ELOVL6: variants seen among roughly 807,000 people sequenced by gnomAD.
ELOVL6 encodes ELOVL fatty acid elongase 6.
ELOVL6 carries 8 observed loss-of-function variants against 31.7 expected under a neutral mutation model. The observed-to-expected ratio is 0.25, with a 90% CI of 0.15 to 0.45. ELOVL6 has a LOEUF of 0.45. Ranked by LOEUF, ELOVL6 falls within the 20% of genes least tolerant of loss-of-function variation. ELOVL6 has a pLI of 1.00. For synonymous variants in ELOVL6, 101 were observed against 117.7 expected (o/e 0.86, Z 0.92); for missense variants, 126 against 326.4 (o/e 0.39, Z 4.73).
intron 1 of ELOVL6, among the ~76,000 whole-genome samples, chr4:110,145,729 C>T (rs1229086693): frequency 1.3e-5 from 2 of 151,182 alleles, no homozygotes; most frequent in Non-Finnish European, 2.9e-5. Flanking sequence ...AAGAAACCAC[C>T]GATAACAAAA....
chr4:110,072,668 A>G (rs915695409), intron 2 of ELOVL6, among the ~76,000 whole-genome samples: 1 of 152,104 alleles, frequency 6.6e-6, no homozygotes, highest in Non-Finnish European at 1.5e-5. Context: ...GAGAAATCCC[A>G]GTGAAAAACC....
intron 1 of ELOVL6, among the ~76,000 whole-genome samples, chr4:110,112,942 C>T (rs1469507891): frequency 6.7e-6 from 1 of 149,866 alleles, no homozygotes; most frequent in Admixed American, 6.6e-5. Context: ...TAAAGCTTGC[C>T]GGCAGGGCAC....
chr4:110,092,901 C>A (rs1354515865), intron 2 of ELOVL6, among the ~76,000 whole-genome samples: 1 of 152,066 alleles, frequency 6.6e-6, no homozygotes, highest in Non-Finnish European at 1.5e-5. Flanking sequence ...AACTGTAATC[C>A]CTAACTATGT....
At position 110,084,103 on chromosome 4, in the gene ELOVL6, A is replaced by ATATATGATATATAACATATATATGC. The variant is rs1560813984; in HGVS notation, c.221+21393_221+21394insGCATATATATGTTATATATCATATA. Among the ~76,000 whole-genome samples the ATATATGATATATAACATATATATGC allele has an allele frequency of 1.7e-4, 14 of 84,576 alleles. 2 individuals carry two copies. The highest frequency in any genetic ancestry group is 4.3e-4 in the African/African-American group (8 of 18,722). The allele number at this position is 84,576 out of a possible 152,430, so 55.5% of individuals were successfully genotyped here. A position where few individuals can be genotyped will look rare whatever the true frequency, so the allele number is the denominator to read the frequency against. Reference sequence around the variant, plus strand: ...ATATATGATATATAACATATATATGATATATATGATATATATAACATATAT... The same window carrying ATATATGATATATAACATATATATGC: ...ATATATGATATATAACATATATATGATATATGATATATAACATATATATGCTATATATGATATATATAACATATAT... On this transcript the variant is annotated intron_variant, in intron 2 of 3. Coordinates refer to ENST00000302274, the MANE Select transcript of ELOVL6 (RefSeq NM_024090.3).
intron 1 of ELOVL6, among the ~76,000 whole-genome samples, chr4:110,188,555 G>C (rs1448465579): frequency 6.6e-6 from 1 of 152,022 alleles, no homozygotes; most frequent in Non-Finnish European, 1.5e-5. Context: ...TCGTGCAAAA[G>C]ATCATAAAGG....
chr4:110,067,187 A>G (rs559602189), intron 2 of ELOVL6, among the ~76,000 whole-genome samples: 77 of 152,220 alleles, frequency 5.1e-4, no homozygotes, highest in Non-Finnish European at 1.0e-3. Context: ...TTCAGAGTGT[A>G]TAACTTCACT....
At chr4:110,094,445 T>TATATATATATAAAAA (rs1756519913) in intron 2 of ELOVL6, among the ~76,000 whole-genome samples, 21 of 47,382 alleles carry the variant, frequency 4.4e-4, no homozygotes, top group Non-Finnish European at 6.8e-4. Flanking sequence ...ATATATATAA[T>TATATATATATAAAAA]ATATATAACA....
At chr4:110,161,917 G>A (rs1055592902) in intron 1 of ELOVL6, among the ~76,000 whole-genome samples, 1 of 152,138 alleles carries the variant, frequency 6.6e-6, no homozygotes, top group African/African-American at 2.4e-5. Context: ...TGTTTGCGGT[G>A]ACTTTACAGA....
chr4:110,062,211 T>C (rs764190710), intron 2 of ELOVL6, among the ~76,000 whole-genome samples: 4 of 152,232 alleles, frequency 2.6e-5, no homozygotes, highest in Non-Finnish European at 5.9e-5. Context: ...AAGGTTTTGA[T>C]ATCATGGTGA....
intron 1 of ELOVL6, among the ~76,000 whole-genome samples, chr4:110,196,602 A>C (rs1759798540): frequency 1.3e-5 from 2 of 152,310 alleles, no homozygotes; most frequent in South Asian, 2.1e-4. Context: ...CCCTGGCCTC[A>C]GCGGCCCGGG....
intron 2 of ELOVL6, among the ~76,000 whole-genome samples, chr4:110,077,021 C>T (rs987589492): frequency 9.9e-5 from 15 of 152,148 alleles, no homozygotes; most frequent in South Asian, 2.1e-4. Context: ...ACTGCAAGGC[C>T]GCAGCGAGGC....
At chr4:110,098,483 A>G (rs1309555526) in intron 2 of ELOVL6, among the ~76,000 whole-genome samples, 1 of 152,104 alleles carries the variant, frequency 6.6e-6, no homozygotes, top group African/African-American at 2.4e-5. Context: ...TTGTAATAAC[A>G]TGTTGTAACA....
rs138100615 is a variant in ELOVL6 at position 110,179,244 on chromosome 4, C to T, written c.89+19003G>A. On this transcript the variant is annotated intron_variant, in intron 1 of 3. Coordinates refer to ENST00000302274, the MANE Select transcript of ELOVL6 (RefSeq NM_024090.3). ...AATAGGCCAGGTATAGTGGCTCATG[C>T]CTGTAATCCCAGCATTTAAGGAGGC... 4.2e-3 allele frequency among the ~76,000 whole-genome samples: 634 copies of T among 152,282 alleles called. 2 individuals carry two copies. The highest frequency in any genetic ancestry group is 7.8e-3 in the Admixed American group (120 of 15,292).
chr4:110,151,172 T>C (rs1334230624), intron 1 of ELOVL6, among the ~76,000 whole-genome samples: 1 of 152,122 alleles, frequency 6.6e-6, no homozygotes, highest in East Asian at 1.9e-4. Flanking sequence ...TGAGTATCTT[T>C]TATCCAAAAT....
intron 1 of ELOVL6, among the ~76,000 whole-genome samples, chr4:110,108,253 C>A (rs1161402513): frequency 6.6e-6 from 1 of 152,152 alleles, no homozygotes; most frequent in Non-Finnish European, 1.5e-5. Flanking sequence ...ACCCATTCAA[C>A]ATAATTGAGA....
intron 2 of ELOVL6, among the ~76,000 whole-genome samples, chr4:110,079,142 G>T (rs552066678): frequency 1.6e-4 from 24 of 152,298 alleles, no homozygotes; most frequent in South Asian, 1.5e-3. Flanking sequence ...ATAATAATGG[G>T]AGACTTTAAC....
chr4:110,101,196 T>A (rs1964209), intron 2 of ELOVL6, among the ~76,000 whole-genome samples: 46,301 of 151,810 alleles, frequency 0.3, 8,043 homozygotes, highest in East Asian at 0.7. Context: ...TGTGCCACCA[T>A]GCCTGGCTAA....
At chr4:110,088,105 C>A (rs1756321026) in intron 2 of ELOVL6, among the ~76,000 whole-genome samples, 1 of 152,116 alleles carries the variant, frequency 6.6e-6, no homozygotes, top group South Asian at 2.1e-4. Flanking sequence ...GCCAAGGTGA[C>A]CTTGACCCTC....
At chr4:110,121,727 C>T (rs1339139868) in intron 1 of ELOVL6, among the ~76,000 whole-genome samples, 1 of 152,116 alleles carries the variant, frequency 6.6e-6, no homozygotes, top group African/African-American at 2.4e-5. Flanking sequence ...TTTATCATCC[C>T]TTCTCACTCT....
Sources: allele counts gnomAD v4.1 joint callset (sites outside exome capture counted in the v4.1 genomes callset), GRCh38; gene constraint gnomAD v4.1.1; transcripts MANE v1.5; gene names NCBI Gene and HGNC (gene_info 2026-07-23, HGNC 2026-07-21).